SLC6A11: variants seen among roughly 807,000 people sequenced by gnomAD.
SLC6A11 encodes the protein solute carrier family 6 member 11.
In SLC6A11, 25 loss-of-function variants were observed where a neutral mutation model predicts 74.8. The ratio of observed to expected loss-of-function variants is 0.33; its 90% CI spans 0.24 to 0.47. The LOEUF (loss-of-function observed/expected upper bound fraction) is 0.47, where lower values mean the gene tolerates loss of function less well. Among genes scored for constraint, SLC6A11 ranks in the 20% least tolerant of loss-of-function variants. The probability of loss-of-function intolerance (pLI) is 1.00; values close to 1 mark genes in which losing one functional copy is unlikely to be tolerated. For synonymous variants in SLC6A11, 330 were observed against 330.2 expected, an observed-to-expected ratio of 1.00 and a Z score of 0.01; for missense variants, 574 against 837.0, an observed-to-expected ratio of 0.69 and a Z score of 3.88.
At chr3:10,849,191 T>G (rs1694541976) in intron 5 of SLC6A11, among the ~76,000 whole-genome samples, 1 of 152,216 alleles carries the variant, frequency 6.6e-6, no homozygotes, top group Non-Finnish European at 1.5e-5. Flanking sequence ...CAATTGTATA[T>G]TAAGTCCTGA....
At chr3:10,829,939 T>C (rs1043284306) in intron 4 of SLC6A11, among the ~76,000 whole-genome samples, 1 of 152,138 alleles carries the variant, frequency 6.6e-6, no homozygotes, top group African/African-American at 2.4e-5. Context: ...ATTGTTCTTT[T>C]GACATTTTTC....
intron 6 of SLC6A11, among the ~76,000 whole-genome samples, chr3:10,908,787 C>T (rs1553675718): frequency 6.6e-6 from 1 of 152,070 alleles, no homozygotes; most frequent in Non-Finnish European, 1.5e-5. Flanking sequence ...GAATGCTGGT[C>T]CATCAGTAAT....
At chr3:10,907,977 T>G (rs1695332683) in intron 6 of SLC6A11, among the ~76,000 whole-genome samples, 1 of 152,164 alleles carries the variant, frequency 6.6e-6, no homozygotes, top group South Asian at 2.1e-4. Context: ...AAGTAATGAC[T>G]ATAAGGAGCC....
intron 5 of SLC6A11, among the ~76,000 whole-genome samples, chr3:10,873,118 G>A (rs753989944): frequency 2.6e-5 from 4 of 152,178 alleles, no homozygotes; most frequent in Admixed American, 1.3e-4. Context: ...CCCCTGGGAC[G>A]GGAACTCCTA....
intron 6 of SLC6A11, among the ~76,000 whole-genome samples, chr3:10,877,420 A>G (rs1245070235): frequency 6.6e-6 from 1 of 152,228 alleles, no homozygotes; most frequent in Non-Finnish European, 1.5e-5. Context: ...TGGAGCGGGT[A>G]TGCAGACTGT....
chr3:10,930,955 C>G (rs1695677965), intron 10 of SLC6A11, among the ~76,000 whole-genome samples: 1 of 152,212 alleles, frequency 6.6e-6, no homozygotes, highest in African/African-American at 2.4e-5. Context: ...TCATCAGTTG[C>G]AGTGGAGAAG....
At chr3:10,891,269 G>A (rs966631815) in intron 6 of SLC6A11, among the ~76,000 whole-genome samples, 3 of 152,092 alleles carry the variant, frequency 2.0e-5, no homozygotes, top group Non-Finnish European at 4.4e-5. Flanking sequence ...GATTTAAAAG[G>A]CTGTGATTTA....
intron 5 of SLC6A11, among the ~76,000 whole-genome samples, chr3:10,853,934 T>C (rs1157932410): frequency 6.6e-6 from 1 of 152,196 alleles, no homozygotes; most frequent in Non-Finnish European, 1.5e-5. Context: ...CTGTGCACCC[T>C]GCCAGGGCCC....
intron 13 of SLC6A11, among the ~76,000 whole-genome samples, chr3:10,936,743 GA>G (rs1047547533): frequency 1.2e-4 from 19 of 152,302 alleles, no homozygotes; most frequent in African/African-American, 4.3e-4. Flanking sequence ...TTAAAACCTT[GA>G]CCACTGGAAG....
chr3:10,831,140 A>G (rs980736683), intron 4 of SLC6A11, among the ~76,000 whole-genome samples: 13 of 152,132 alleles, frequency 8.5e-5, no homozygotes, highest in African/African-American at 2.7e-4. Context: ...ACTTGTTCTG[A>G]TGCAGGCAGA....
At chr3:10,833,828 C>T (rs1197261582) in intron 4 of SLC6A11, among the ~76,000 whole-genome samples, 6 of 152,196 alleles carry the variant, frequency 3.9e-5, no homozygotes, top group Admixed American at 3.9e-4. Context: ...TTACAGTAAA[C>T]ATATTTGTGT....
intron 8 of SLC6A11, 110 bp from the exon 9 acceptor site, chr3:10,925,894 A>G (rs1695598295): frequency 4.4e-6 from 3 of 679,068 alleles, no homozygotes; most frequent in Non-Finnish European, 8.0e-6. Flanking sequence ...AGTGAGAGGC[A>G]GGCACAGTGC....
chr3:10,824,978 G>C (rs1431931354), intron 4 of SLC6A11: 1 of 152,220 alleles, frequency 6.6e-6, no homozygotes, highest in Non-Finnish European at 1.5e-5. Context: ...GAGGTCAGGA[G>C]TTTGAGACCA....
chr3:10,842,349 C>T (rs184219217), intron 4 of SLC6A11, among the ~76,000 whole-genome samples: 3 of 152,292 alleles, frequency 2.0e-5, no homozygotes, highest in Non-Finnish European at 4.4e-5. Flanking sequence ...TCACAAAGTG[C>T]AGCTCCTTGG....
intron 6 of SLC6A11, among the ~76,000 whole-genome samples, chr3:10,894,100 G>C (rs1451834209): frequency 1.3e-5 from 2 of 152,114 alleles, no homozygotes; most frequent in African/African-American, 4.8e-5. Context: ...AGTCCACCAG[G>C]TTAGCCACCC....
chr3:10,823,013 A>G (rs1207451732), intron 3 of SLC6A11, among the ~76,000 whole-genome samples: 2 of 152,190 alleles, frequency 1.3e-5, no homozygotes, highest in Non-Finnish European at 2.9e-5. Flanking sequence ...AGTGGAAAAA[A>G]TAAAAGAAGA....
chr3:10,826,295 T>C (rs568592475), intron 4 of SLC6A11, among the ~76,000 whole-genome samples: 2 of 152,372 alleles, frequency 1.3e-5, no homozygotes, highest in African/African-American at 4.8e-5. Flanking sequence ...ATCTGTTAGA[T>C]ATGTGCTTGA....
At chr3:10,844,619 AGGTAAGGG>A (rs540934208) in intron 5 of SLC6A11, among the ~76,000 whole-genome samples, 1 of 152,276 alleles carries the variant, frequency 6.6e-6, no homozygotes, top group Non-Finnish European at 1.5e-5. Context: ...GAGTTATACA[AGGTAAGGG>A]GGTTAAAGTG....
intron 10 of SLC6A11, among the ~76,000 whole-genome samples, chr3:10,932,131 T>A (rs904289758): frequency 6.6e-6 from 1 of 152,164 alleles, no homozygotes; most frequent in African/African-American, 2.4e-5. Flanking sequence ...ACCCCCGCTC[T>A]CCCTATATCT....
Sources: gnomAD v4.1 joint callset for allele counts (sites outside exome capture counted in the v4.1 genomes callset) on GRCh38, gnomAD v4.1.1 for gene constraint, MANE v1.5 for transcripts, NCBI Gene and HGNC (gene_info 2026-07-23, HGNC 2026-07-21) for gene names.